The following DMRTB1 variants were observed in gnomAD, a reference collection of about 807,000 sequenced individuals.
DMRTB1 encodes doublesex- and mab-3-related transcription factor B1.
In DMRTB1, 9 loss-of-function variants were observed where a neutral mutation model predicts 25.2. The observed-to-expected ratio is 0.36, with a 90% confidence interval of 0.22 to 0.62. The LOEUF is 0.62. DMRTB1 is among the 20% of genes least tolerant of loss of function. DMRTB1 has a pLI of 0.71. For synonymous variants in DMRTB1, 269 were observed against 238.1 expected (o/e 1.13, Z -1.20); for missense variants, 551 against 499.3 (o/e 1.10, Z -0.99).
Position 53,464,817 on chromosome 1 carries a change from G to A in DMRTB1, c.931G>A (p.Val311Ile), listed in dbSNP as rs935441013. 2 of 1,613,340 alleles carry A rather than the reference G, an allele frequency of 1.2e-6. No homozygotes were observed. Among genetic ancestry groups the A allele is most frequent in the Non-Finnish European group, 1.7e-6 (2 of 1,179,848 alleles). ...PPPPSSFSLT[V>I]LFDTDKENTD... is the part of the protein sequence containing the mutation. ...ACCTCCATCATCTTTCTCACTGACC[G>A]TCCTGTTTGATACTGACAAGGAGAA... Residue 311 changes from valine (V) to isoleucine (I), a missense_variant, in exon 3 of 4, where the codon GTC becomes ATC. Coordinates refer to ENST00000371445, the MANE Select transcript of DMRTB1 (RefSeq NM_033067.3).
chr1:53,459,736 C>A lies in DMRTB1; in HGVS notation c.283C>A (p.Leu95Ile). 7.4e-7 allele frequency: 1 copy of A among 1,355,742 alleles called. No homozygotes were observed. Among genetic ancestry groups the A allele is most frequent in the Non-Finnish European group, 9.5e-7 (1 of 1,057,380 alleles). The allele number at this position is 1,355,742 out of a possible 1,614,324, so 84.0% of individuals were successfully genotyped here. A position where few individuals can be genotyped will look rare whatever the true frequency, so the allele number is the denominator to read the frequency against. ...PAPVPVPAAS[L>I]RPLSPGTPSG... ...CCCCGTCCCCGTCCCGGCCGCGAGC[C>A]TCCGCCCGCTGTCCCCGGGGACTCC... is the stretch of plus-strand genomic sequence containing the variant. The change falls in exon 1 of 4, where the codon CTC (leucine) becomes ATC (isoleucine). Residue 95 changes from leucine (L) to isoleucine (I), a missense_variant. Coordinates refer to ENST00000371445, the MANE Select transcript of DMRTB1 (RefSeq NM_033067.3).
chr1:53,462,881 G>C (rs540775954), intron 2 of DMRTB1, among the ~76,000 whole-genome samples: 3 of 152,384 alleles, frequency 2.0e-5, no homozygotes, highest in East Asian at 1.9e-4. Flanking sequence ...CCCAGGGAGA[G>C]CCAGGCATCT....
At chr1:53,461,670 C>T in intron 2 of DMRTB1, 25 bp downstream of exon 2, 7 of 1,523,844 alleles carry the variant, frequency 4.6e-6, no homozygotes, top group Non-Finnish European at 6.2e-6. Flanking sequence ...TCACTTCTTG[C>T]CAGCTTCCTC....
rs549497140 is a variant in DMRTB1 at position 53,460,760 on chromosome 1, G to T, written c.578-713G>T. 3.9e-5 allele frequency among the ~76,000 whole-genome samples: 6 copies of T among 152,318 alleles called. No individual in the cohort carries two copies. In the East Asian group the frequency reaches 5.8e-4, roughly 15 times the overall value. On this transcript the variant is annotated intron_variant, in intron 1 of 3. Coordinates refer to ENST00000371445, the MANE Select transcript of DMRTB1 (RefSeq NM_033067.3). ...GGTTTGGTGCGGACGCGTTTTCCTG[G>T]TGTCTCCCCCGTGGTGGTGTGGTGG...
intron 3 of DMRTB1, 136 bp downstream of exon 3, chr1:53,464,983 C>G (rs1644043573): frequency 6.7e-6 from 8 of 1,188,218 alleles, no homozygotes; most frequent in Non-Finnish European, 8.6e-6. Context: ...CTAGAATGAG[C>G]TCCTTCTTAC....
Position 53,459,834 on chromosome 1 carries a change from G to A in DMRTB1, c.381G>A (p.Arg127=), listed in dbSNP as rs888136715. ...ACFFEQPPRG[R]NPGPRALQPV... Reference sequence around the variant, plus strand: ...TCTTCGAGCAGCCCCCGCGGGGCCGGAACCCCGGCCCGAGAGCCCTCCAGC... The same window carrying A: ...TCTTCGAGCAGCCCCCGCGGGGCCGAAACCCCGGCCCGAGAGCCCTCCAGC... The change falls in exon 1 of 4, where the codon CGG becomes CGA. Residue 127 remains arginine, a synonymous_variant. Transcript: ENST00000371445. 2.0e-6 allele frequency: 3 copies of A among 1,472,918 alleles called. No homozygotes were observed. The highest frequency in any genetic ancestry group is 1.5e-5 in the African/African-American group (1 of 67,306). 91.2% of individuals were successfully genotyped at this position (1,472,918 alleles called of 1,614,324 possible).
rs201126524 is a variant in DMRTB1 at position 53,464,692 on chromosome 1, C to G, written c.806C>G (p.Pro269Arg). The change falls in exon 3 of 4, where the codon CCG becomes CGG. Residue 269 changes from proline to arginine, a missense_variant. Pro to Arg is a moderately radical substitution (Grantham distance 103, BLOSUM62 -2). Coordinates refer to ENST00000371445, the MANE Select transcript of DMRTB1 (RefSeq NM_033067.3). ...QPSYYLPPPP[P>R]PLPPLPPLPP... is the part of the protein sequence containing the mutation. ...AGCTACTACCTGCCGCCGCCGCCGC[C>G]GCCACTGCCGCCCCTTCCACCGCTT... The G allele has an allele frequency of 6.2e-7, 1 of 1,613,598 alleles. No homozygotes were observed. The highest frequency in any genetic ancestry group is 1.3e-5 in the African/African-American group (1 of 75,020).
At position 53,464,639 on chromosome 1, in the gene DMRTB1, G is replaced by A; in HGVS notation, c.753G>A (p.Val251=). Residue 251 remains valine (V), a splice_region_variant and synonymous_variant, in exon 3 of 4, where the codon GTG becomes GTA. Coordinates refer to ENST00000371445, the MANE Select transcript of DMRTB1 (RefSeq NM_033067.3). The part of the protein sequence containing the change: ...SRSQYQGGGL[V]SEPGGDFQPS... ...TCTCTGCTGTGTGTGCCGTGCAGGTGTCAGAACCAGGAGGAGACTTCCAGC... is the reference window on the plus strand; with the variant it reads ...TCTCTGCTGTGTGTGCCGTGCAGGTATCAGAACCAGGAGGAGACTTCCAGC... 2 of 1,613,356 alleles carry A rather than the reference G, an allele frequency of 1.2e-6. No individual in the cohort carries two copies. The highest frequency in any genetic ancestry group is 8.5e-7 in the Non-Finnish European group (1 of 1,180,018).
At chr1:53,463,930 G>C (rs553962276) in intron 2 of DMRTB1, among the ~76,000 whole-genome samples, 20 of 152,266 alleles carry the variant, frequency 1.3e-4, no homozygotes, top group Non-Finnish European at 2.1e-4. Flanking sequence ...TCCTCTGATG[G>C]GGCCCTGTGC....
intron 2 of DMRTB1, among the ~76,000 whole-genome samples, chr1:53,463,398 TC>T (rs1230286078): frequency 3.3e-5 from 5 of 152,108 alleles, no homozygotes. Context: ...CCCCGTCGTG[TC>T]CCAGCCACGT....
chr1:53,462,707 G>C (rs1326319043), intron 2 of DMRTB1, among the ~76,000 whole-genome samples: 1 of 152,228 alleles, frequency 6.6e-6, no homozygotes, highest in Non-Finnish European at 1.5e-5. Flanking sequence ...TGGGATTCCA[G>C]TTACACAGCT....
chr1:53,459,946 G>C lies in DMRTB1; in HGVS notation c.493G>C (p.Glu165Gln). 1.3e-6 allele frequency: 2 copies of C among 1,569,880 alleles called. No individual in the cohort carries two copies. Among genetic ancestry groups the C allele is most frequent in the Non-Finnish European group, 1.7e-6 (2 of 1,167,344 alleles). The change falls in exon 1 of 4, where the codon GAG becomes CAG. Residue 165 changes from glutamate (E) to glutamine (Q), a missense_variant. By Grantham distance (29) the Glu-to-Gln change is conservative. Transcript: ENST00000371445. ...PSLAGPPFGA[E>Q]AAGSGYPGPL... Reference sequence around the variant, plus strand: ...CCTTGCGGGACCCCCTTTTGGGGCGGAGGCCGCAGGCAGTGGCTACCCTGG... The same window carrying C: ...CCTTGCGGGACCCCCTTTTGGGGCGCAGGCCGCAGGCAGTGGCTACCCTGG...
Position 53,459,476 on chromosome 1 carries a change from C to A in DMRTB1, c.23C>A (p.Thr8Asn), listed in dbSNP as rs1438739453. ...CCAATGGCCGACAAAATGGTGCGCACCCCCAAGTGCTCGAGATGCAGGAAC... is the reference window on the plus strand; with the variant it reads ...CCAATGGCCGACAAAATGGTGCGCAACCCCAAGTGCTCGAGATGCAGGAAC... Reference protein sequence around the residue: MADKMVRTPKCSRCRNHG... With the variant: MADKMVRNPKCSRCRNHG... Residue 8 changes from threonine (T) to asparagine (N), a missense_variant, in exon 1 of 4, where the codon ACC (threonine) becomes AAC (asparagine). By Grantham distance (65) the Thr-to-Asn change is moderately conservative. Coordinates refer to ENST00000371445, the MANE Select transcript of DMRTB1 (RefSeq NM_033067.3). The A allele has an allele frequency of 1.2e-6, 2 of 1,613,112 alleles. No individual in the cohort carries two copies. The highest frequency in any genetic ancestry group is 1.7e-6 in the Non-Finnish European group (2 of 1,179,978).
At position 53,466,715 on chromosome 1, in the gene DMRTB1, A is replaced by G; in HGVS notation, c.*53A>G. Reference sequence around the variant, plus strand: ...GAGTGGGGCACTGGGGGGCAACAGCAACAGTTTTCTTGTCTTCATTCAGTG... The same window carrying G: ...GAGTGGGGCACTGGGGGGCAACAGCGACAGTTTTCTTGTCTTCATTCAGTG... On this transcript the variant is annotated 3_prime_UTR_variant, in exon 4 of 4. Transcript: ENST00000371445. 6.4e-7 allele frequency: 1 copy of G among 1,569,374 alleles called. No individual in the cohort carries two copies. Among genetic ancestry groups the G allele is most frequent in the Non-Finnish European group, 8.7e-7 (1 of 1,144,430 alleles).
At chr1:53,462,767 C>T (rs765176598) in intron 2 of DMRTB1, among the ~76,000 whole-genome samples, 1 of 152,210 alleles carries the variant, frequency 6.6e-6, no homozygotes, top group Non-Finnish European at 1.5e-5. Context: ...GACTCTGGAG[C>T]CCAGGTGCTT....
chr1:53,461,578 C>T lies in DMRTB1; in HGVS notation c.683C>T (p.Pro228Leu), dbSNP rs531053698. The change falls in exon 2 of 4, where the codon CCT becomes CTT. Residue 228 changes from proline to leucine, a missense_variant. By Grantham distance (98) the Pro-to-Leu change is moderately conservative. Transcript: ENST00000371445. The stretch of plus-strand genomic sequence containing the variant: ...TTCCCGCTGGGCTACCTGGACGCCC[C>T]TCCTGGCGTCCCCCTGCAGCAGGGC... ...CPFPLGYLDA[P>L]PGVPLQQGFR... 33 of 1,611,502 alleles carry T rather than the reference C, an allele frequency of 2.0e-5. No homozygotes were observed. In the South Asian group the frequency reaches 3.1e-4, roughly 15 times the overall value.
At position 53,464,646 on chromosome 1, in the gene DMRTB1, C is replaced by A; in HGVS notation, c.760C>A (p.Pro254Thr). The change falls in exon 3 of 4, where the codon CCA becomes ACA. Residue 254 changes from proline to threonine, a missense_variant. By Grantham distance (38) the Pro-to-Thr change is conservative. Transcript: ENST00000371445. ...TGTGTGTGCCGTGCAGGTGTCAGAA[C>A]CAGGAGGAGACTTCCAGCCAAGCTA... ...QYQGGGLVSE[P>T]GGDFQPSYYL... 2 of 1,613,494 alleles carry A rather than the reference C, an allele frequency of 1.2e-6. No individual in the cohort carries two copies. Among genetic ancestry groups the A allele is most frequent in the Non-Finnish European group, 1.7e-6 (2 of 1,180,028 alleles).
chr1:53,464,071 C>T (rs1414921363), intron 2 of DMRTB1, among the ~76,000 whole-genome samples: 1 of 152,188 alleles, frequency 6.6e-6, no homozygotes, highest in Non-Finnish European at 1.5e-5. Context: ...CCCACATTGC[C>T]AACCTCTTCT....
intron 1 of DMRTB1, among the ~76,000 whole-genome samples, chr1:53,460,991 A>G (rs1412296041): frequency 3.3e-5 from 5 of 152,052 alleles, no homozygotes; most frequent in Admixed American, 6.5e-5. Flanking sequence ...TCTTTTTTCC[A>G]TCTCAACAGA....
Sources: gnomAD v4.1 joint callset for allele counts (sites outside exome capture counted in the v4.1 genomes callset) on GRCh38, gnomAD v4.1.1 for gene constraint, MANE v1.5 for transcripts, NCBI Gene and HGNC (gene_info 2026-07-23, HGNC 2026-07-21) for gene names.